The following MECOM variants were observed in gnomAD, a reference collection of about 807,000 sequenced individuals.
The protein encoded by MECOM is histone-lysine N-methyltransferase MECOM.
Under a neutral mutation model 116.3 loss-of-function variants are expected in MECOM, and 13 were observed. The ratio of observed to expected loss-of-function variants is 0.11; its 90% CI spans 0.07 to 0.18. The LOEUF is 0.18. Ranked by LOEUF, MECOM falls within the 10% of genes least tolerant of loss-of-function variation. The pLI, the probability that MECOM is intolerant of heterozygous loss-of-function variation, is 1.00. For missense variants in MECOM, 1,299 were observed against 1,509.0 expected (o/e 0.86, Z 2.31); for synonymous variants, 528 against 535.2 (o/e 0.99, Z 0.19).
chr3:169,533,591 T>TTTTTTTTTTTTTTTAA (rs55667588), intron 1 of MECOM, among the ~76,000 whole-genome samples: 4 of 132,230 alleles, frequency 3.0e-5, no homozygotes, highest in East Asian at 2.1e-4. Flanking sequence ...TTTTTTTTTT[T>TTTTTTTTTTTTTTTAA]ATTTCCTTAT....
At chr3:169,454,218 A>G (rs926378046) in intron 1 of MECOM, among the ~76,000 whole-genome samples, 3 of 152,208 alleles carry the variant, frequency 2.0e-5, no homozygotes, top group African/African-American at 7.2e-5. Flanking sequence ...ACACTGTTAC[A>G]GAGAAATTGT....
intron 2 of MECOM, among the ~76,000 whole-genome samples, chr3:169,245,354 A>C (rs1001544540): frequency 6.6e-6 from 1 of 152,220 alleles, no homozygotes; most frequent in African/African-American, 2.4e-5. Context: ...AGCTTTAAAA[A>C]AGCCAAAGCT....
intron 2 of MECOM, among the ~76,000 whole-genome samples, chr3:169,167,553 T>C (rs1235583035): frequency 6.6e-6 from 1 of 152,236 alleles, no homozygotes; most frequent in Non-Finnish European, 1.5e-5. Flanking sequence ...ATGATTCAGA[T>C]GATTAACAGT....
intron 1 of MECOM, among the ~76,000 whole-genome samples, chr3:169,595,518 G>C (rs890874856): frequency 6.6e-6 from 1 of 152,114 alleles, no homozygotes; most frequent in African/African-American, 2.4e-5. Context: ...TTTCATTAAT[G>C]CAAGATTTTT....
intron 2 of MECOM, among the ~76,000 whole-genome samples, chr3:169,302,757 A>T (rs1716969343): frequency 6.6e-6 from 1 of 151,924 alleles, no homozygotes; most frequent in Non-Finnish European, 1.5e-5. Context: ...CCAGCTACTC[A>T]GGAGGCTGAG....
chr3:169,620,040 C>T (rs1224159415), intron 1 of MECOM, among the ~76,000 whole-genome samples: 1 of 152,152 alleles, frequency 6.6e-6, no homozygotes, highest in African/African-American at 2.4e-5. Flanking sequence ...CAAACAATTG[C>T]TTTGTTTTTC....
rs748984561 is a variant in MECOM, at chr3:169,322,997, T to TAAAAAAAAAAAA, written c.375+58178_375+58189dup. Among the ~76,000 whole-genome samples the TAAAAAAAAAAAA allele has an allele frequency of 7.9e-4, 44 of 56,048 alleles. 3 individuals are homozygous for TAAAAAAAAAAAA. The highest frequency in any genetic ancestry group is 1.1e-3 in the Non-Finnish European group (34 of 29,886). 36.8% of individuals were successfully genotyped at this position (56,048 alleles called of 152,430 possible). On this transcript the variant is annotated intron_variant, in intron 2 of 16. Transcript: ENST00000651503. ...CCTGCATGACAGAGCAAGACTCCGGTAAAAAAAAAAAAAAAAAAAAAAAAA... is the reference window on the plus strand; with the variant it reads ...CCTGCATGACAGAGCAAGACTCCGGTAAAAAAAAAAAAAAAAAAAAAAAAAAAAAAAAAAAAA...
chr3:169,354,798 T>G (rs982903176), intron 2 of MECOM, among the ~76,000 whole-genome samples: 2 of 151,836 alleles, frequency 1.3e-5, no homozygotes, highest in African/African-American at 2.4e-5. Context: ...CCCCCCTTCC[T>G]GAGCTGGGGC....
intron 2 of MECOM, among the ~76,000 whole-genome samples, chr3:169,343,951 T>A (rs1724960919): frequency 6.6e-6 from 1 of 152,124 alleles, no homozygotes; most frequent in African/African-American, 2.4e-5. Flanking sequence ...AAAGTATTGC[T>A]TTTCTAATAC....
At chr3:169,163,017 C>T (rs1191531392) in intron 2 of MECOM, among the ~76,000 whole-genome samples, 1 of 151,938 alleles carries the variant, frequency 6.6e-6, no homozygotes, top group African/African-American at 2.4e-5. Context: ...TTATATTCAA[C>T]TCATTTGCAA....
intron 1 of MECOM, among the ~76,000 whole-genome samples, chr3:169,647,215 T>G (rs558103709): frequency 1.3e-5 from 2 of 152,364 alleles, no homozygotes; most frequent in South Asian, 2.1e-4. Context: ...ATCCTGGCTC[T>G]GTACTTAAAG....
At chr3:169,421,899 C>A (rs933749050) in intron 1 of MECOM, among the ~76,000 whole-genome samples, 1 of 151,914 alleles carries the variant, frequency 6.6e-6, no homozygotes, top group African/African-American at 2.4e-5. Flanking sequence ...TGTAATAATC[C>A]AAGTGAAAAT....
intron 2 of MECOM, among the ~76,000 whole-genome samples, chr3:169,323,869 A>T (rs1299149117): frequency 6.6e-6 from 1 of 152,164 alleles, no homozygotes; most frequent in African/African-American, 2.4e-5. Flanking sequence ...CTGTGCAAGG[A>T]AGACTTGGAG....
At chr3:169,592,285 C>A (rs887673243) in intron 1 of MECOM, among the ~76,000 whole-genome samples, 2 of 152,226 alleles carry the variant, frequency 1.3e-5, no homozygotes, top group Middle Eastern at 3.2e-3. Context: ...ACTGTGCTGT[C>A]CACAACTCCT....
rs570380264 is a variant in MECOM, at chr3:169,605,419, G to A, written c.37+57917C>T. On this transcript the variant is annotated intron_variant, in intron 1 of 16. Transcript: ENST00000651503. Reference sequence around the variant, plus strand: ...TCTTACTCTTTTTTCTGTAGGCACAGGGGTAATAGACATTAACTCTGGAAG... The same window carrying A: ...TCTTACTCTTTTTTCTGTAGGCACAAGGGTAATAGACATTAACTCTGGAAG... 3.9e-5 allele frequency among the ~76,000 whole-genome samples: 6 copies of A among 152,316 alleles called. No individual in the cohort carries two copies. In the East Asian group the frequency reaches 1.2e-3, roughly 29 times the overall value.
chr3:169,490,148 G>A (rs772195671), intron 1 of MECOM, among the ~76,000 whole-genome samples: 41 of 152,150 alleles, frequency 2.7e-4, no homozygotes, highest in Non-Finnish European at 5.3e-4. Context: ...CTTTGCATGC[G>A]CTTTAGAGTT....
intron 3 of MECOM, among the ~76,000 whole-genome samples, chr3:169,142,553 CTT>C (rs954017302): frequency 1.3e-5 from 2 of 151,880 alleles, no homozygotes; most frequent in African/African-American, 4.8e-5. Flanking sequence ...AATAATTCCT[CTT>C]GTTTTCTTAT....
intron 1 of MECOM, among the ~76,000 whole-genome samples, chr3:169,489,293 G>A (rs1752790300): frequency 6.6e-6 from 1 of 152,132 alleles, no homozygotes; most frequent in African/African-American, 2.4e-5. Context: ...CAAGTAACCA[G>A]TAATCCCATC....
At chr3:169,397,685 T>G (rs991669975) in intron 1 of MECOM, among the ~76,000 whole-genome samples, 1 of 152,184 alleles carries the variant, frequency 6.6e-6, no homozygotes, top group African/African-American at 2.4e-5. Flanking sequence ...TGACACGACC[T>G]TGATAACATT....
Sources: allele counts gnomAD v4.1 joint callset (sites outside exome capture counted in the v4.1 genomes callset), GRCh38; gene constraint gnomAD v4.1.1; transcripts MANE v1.5; gene names NCBI Gene and HGNC (gene_info 2026-07-23, HGNC 2026-07-21).